PHC1: variants seen among roughly 807,000 people sequenced by gnomAD.
PHC1 encodes polyhomeotic homolog 1.
Under a neutral mutation model 104.3 loss-of-function variants are expected in PHC1, and 12 were observed. That is an observed-to-expected ratio of 0.12 (90% CI 0.07 to 0.19). The LOEUF (loss-of-function observed/expected upper bound fraction) is 0.19. Ranked by LOEUF, PHC1 falls within the 10% of genes least tolerant of loss-of-function variation. The pLI is 1.00. For synonymous variants in PHC1, 302 were observed against 455.8 expected, an observed-to-expected ratio of 0.66 and a Z score of 4.30; for missense variants, 671 against 1,200.0, an observed-to-expected ratio of 0.56 and a Z score of 6.51.
intron 8 of PHC1, 167 bp downstream of exon 8, chr12:8,933,517 TTTATACTCCTAAA>T: frequency 1.1e-6 from 1 of 937,926 alleles, no homozygotes; most frequent in Non-Finnish European, 1.5e-6. Flanking sequence ...ATATCTGAAC[TTTATACTCCTAAA>T]TTTGTTGCTG....
chr12:8,920,648 C>CA (rs779226490), intron 3 of PHC1, among the ~76,000 whole-genome samples: 73 of 152,204 alleles, frequency 4.8e-4, no homozygotes, highest in Admixed American at 1.1e-3. Flanking sequence ...GCGGAGGTTG[C>CA]AGTGAGCGGA....
At chr12:8,930,094 A>G (rs1426793465) in intron 6 of PHC1, among the ~76,000 whole-genome samples, 1 of 152,198 alleles carries the variant, frequency 6.6e-6, no homozygotes, top group Non-Finnish European at 1.5e-5. Flanking sequence ...TTTCCTCTGC[A>G]TTTCCAGTAT....
intron 6 of PHC1, among the ~76,000 whole-genome samples, chr12:8,926,872 G>A (rs1297943487): frequency 2.0e-5 from 3 of 152,134 alleles, no homozygotes; most frequent in Admixed American, 6.5e-5. Flanking sequence ...CCGAGATCGC[G>A]CCGTTGTACT....
chr12:8,929,892 A>G (rs1447040280), intron 6 of PHC1, among the ~76,000 whole-genome samples: 1 of 152,062 alleles, frequency 6.6e-6, no homozygotes, highest in Non-Finnish European at 1.5e-5. Flanking sequence ...CACCTTCACC[A>G]TTACCTACTG....
intron 6 of PHC1, among the ~76,000 whole-genome samples, chr12:8,927,556 G>A (rs756789114): frequency 1.2e-4 from 19 of 152,320 alleles, no homozygotes; most frequent in Admixed American, 5.9e-4. Context: ...TATAGATTCG[G>A]TGGTGGAACT....
At chr12:8,916,708 A>T (rs988980612) in intron 1 of PHC1, among the ~76,000 whole-genome samples, 1 of 151,962 alleles carries the variant, frequency 6.6e-6, no homozygotes, top group Non-Finnish European at 1.5e-5. Flanking sequence ...TTTCTTGAAG[A>T]TTTTCATTGT....
At chr12:8,933,453 G>C (rs1036211930) in intron 8 of PHC1, 103 bp downstream of exon 8, 7 of 1,328,952 alleles carry the variant, frequency 5.3e-6, no homozygotes, top group African/African-American at 1.5e-5. Context: ...AGAGTTAAGA[G>C]GGTTAATATT....
chr12:8,926,069 G>T (rs1455380875), intron 6 of PHC1, among the ~76,000 whole-genome samples: 1 of 152,190 alleles, frequency 6.6e-6, no homozygotes, highest in African/African-American at 2.4e-5. Context: ...CTGTGGGGTG[G>T]CTGGTGGTGC....
intron 6 of PHC1, 33 bp from the exon 7 acceptor site, chr12:8,930,402 C>T (rs1592202917): frequency 2.5e-6 from 4 of 1,591,242 alleles, no homozygotes; most frequent in East Asian, 2.3e-5. Flanking sequence ...CTCCAGTCCT[C>T]CTTTTCTCAA....
chr12:8,928,238 A>C (rs924022192), intron 6 of PHC1, among the ~76,000 whole-genome samples: 1 of 152,040 alleles, frequency 6.6e-6, no homozygotes, highest in African/African-American at 2.4e-5. Flanking sequence ...GGTCTTCTTC[A>C]CTTCAGTCTT....
intron 6 of PHC1, among the ~76,000 whole-genome samples, chr12:8,927,118 A>G (rs1047907443): frequency 6.6e-6 from 1 of 152,206 alleles, no homozygotes; most frequent in South Asian, 2.1e-4. Context: ...CAAATGTTAC[A>G]AGATGTGCAT....
Position 8,919,007 on chromosome 12 carries a change from G to A in PHC1, c.115-749G>A, listed in dbSNP as rs187149440. 1.3e-3 allele frequency among the ~76,000 whole-genome samples: 194 copies of A among 152,262 alleles called. 1 individual carries two copies. In the Middle Eastern group the frequency reaches 0.017, roughly 13 times the overall value. ...AACAGTGGATATGTGGTGCATGGCTGTAATTGTTTCTTCCGGTTTTTAAAG... is the reference window on the plus strand; with the variant it reads ...AACAGTGGATATGTGGTGCATGGCTATAATTGTTTCTTCCGGTTTTTAAAG... On this transcript the variant is annotated intron_variant, in intron 2 of 14. Coordinates refer to ENST00000544916, the MANE Select transcript of PHC1 (RefSeq NM_004426.3). The surrounding 1 kb of genome is among the most constrained non-coding windows in gnomAD (Gnocchi z 4.9).
chr12:8,917,745 G>C lies in PHC1; in HGVS notation c.68G>C (p.Arg23Pro). ...NGSSSSGGSS[R>P]PQIAQMSLYE... Reference sequence around the variant, plus strand: ...AGTTCTAGCTCAGGGGGCAGCTCTCGGCCCCAGATAGCTCAAATGTCACTT... The same window carrying C: ...AGTTCTAGCTCAGGGGGCAGCTCTCCGCCCCAGATAGCTCAAATGTCACTT... Residue 23 changes from arginine to proline, a missense_variant, in exon 2 of 15, where the codon CGG becomes CCG. Coordinates refer to ENST00000544916, the MANE Select transcript of PHC1 (RefSeq NM_004426.3). 1 of 1,577,252 alleles carries C rather than the reference G, an allele frequency of 6.3e-7. No individual in the cohort carries two copies. Among genetic ancestry groups the C allele is most frequent in the Non-Finnish European group, 8.6e-7 (1 of 1,163,784 alleles).
rs765426318 is a variant in PHC1 at position 8,921,658 on chromosome 12, T to C, written c.364T>C (p.Ser122Pro). 6.2e-7 allele frequency: 1 copy of C among 1,613,172 alleles called. No homozygotes were observed. Among genetic ancestry groups the C allele is most frequent in the South Asian group, 1.1e-5 (1 of 90,954 alleles). Reference protein sequence around the residue: ...QLISRSQSVSSPSATTLTQSV... With the variant: ...QLISRSQSVSPPSATTLTQSV... The stretch of plus-strand genomic sequence containing the variant: ...CATCAGCCGATCCCAGAGTGTGAGC[T>C]CTCCCAGTGCTACCACCTTGACCCA... The change falls in exon 5 of 15, where the codon TCT (serine) becomes CCT (proline). Residue 122 changes from serine to proline, a missense_variant. Around this residue, in one of 9 missense-constraint regions of PHC1, gnomAD observed 237 missense variants for 331.1 expected, o/e 0.72. Coordinates refer to ENST00000544916, the MANE Select transcript of PHC1 (RefSeq NM_004426.3).
chr12:8,926,627 A>G (rs1415348379), intron 6 of PHC1, among the ~76,000 whole-genome samples: 1 of 149,748 alleles, frequency 6.7e-6, no homozygotes. Flanking sequence ...CTTAAAAAAA[A>G]AGGCCAGCGC....
chr12:8,938,935 C>G (rs1466597241), intron 14 of PHC1, among the ~76,000 whole-genome samples: 1 of 152,160 alleles, frequency 6.6e-6, no homozygotes, highest in African/African-American at 2.4e-5. Context: ...AAATGATCCT[C>G]CTGCCTCAGC....
At chr12:8,935,949 C>T (rs1285213176) in intron 11 of PHC1, among the ~76,000 whole-genome samples, 2 of 151,582 alleles carry the variant, frequency 1.3e-5, no homozygotes, top group African/African-American at 2.4e-5. Flanking sequence ...TTAGTAGAGA[C>T]GGGGTTTCTG....
intron 11 of PHC1, 46 bp from the exon 12 acceptor site, chr12:8,936,810 G>A: frequency 8.5e-7 from 1 of 1,178,816 alleles, no homozygotes; most frequent in Non-Finnish European, 1.3e-6. Flanking sequence ...TGCCTGAGGG[G>A]CAGCAGAAAC....
chr12:8,934,990 TTCTC>T (rs950940712), intron 10 of PHC1, 130 bp from the exon 11 acceptor site: 2 of 568,686 alleles, frequency 3.5e-6, no homozygotes, highest in Non-Finnish European at 6.4e-6. Context: ...TTGAAAGTGA[TTCTC>T]TCTGAACCAG....
Sources: gnomAD v4.1 joint callset for allele counts (sites outside exome capture counted in the v4.1 genomes callset) on GRCh38, gnomAD v4.1.1 for gene constraint, gnomAD v4.1.1 regional missense constraint, Gnocchi (gnomAD v3.1) non-coding constraint, MANE v1.5 for transcripts, NCBI Gene and HGNC (gene_info 2026-07-23, HGNC 2026-07-21) for gene names.